The following NKD1 variants were observed in gnomAD, a reference collection of about 807,000 sequenced individuals.
The protein encoded by NKD1 is NKD inhibitor of Wnt signaling pathway 1, also known as protein naked cuticle homolog 1.
NKD1 carries 21 observed loss-of-function variants against 56.0 expected under a neutral mutation model. The observed-to-expected ratio is 0.38, with a 90% CI of 0.27 to 0.54. The LOEUF is 0.54. Ranked by LOEUF, NKD1 falls within the 20% of genes least tolerant of loss-of-function variation. The probability of loss-of-function intolerance (pLI) is 0.82; values close to 1 mark genes in which losing one functional copy is unlikely to be tolerated. For missense variants in NKD1, 578 were observed against 642.7 expected (o/e 0.90, Z 1.09); for synonymous variants, 263 against 265.7 (o/e 0.99, Z 0.10).
At chr16:50,629,346 A>G (rs1962292765) in intron 6 of NKD1, among the ~76,000 whole-genome samples, 4 of 152,136 alleles carry the variant, frequency 2.6e-5, no homozygotes, top group Admixed American at 2.6e-4. Context: ...TACTCCGAAT[A>G]CAATCACATT....
rs555237402 is a variant in NKD1, at chr16:50,577,811, G to A, written c.192+28256G>A. On this transcript the variant is annotated intron_variant, in intron 3 of 9. Coordinates refer to ENST00000268459, the MANE Select transcript of NKD1 (RefSeq NM_033119.5). Reference sequence around the variant, plus strand: ...CAAGGTAGGCATAGCTAAGCACCCAGGGGTCTTAAAGTTGACCTTTATGTA... The same window carrying A: ...CAAGGTAGGCATAGCTAAGCACCCAAGGGTCTTAAAGTTGACCTTTATGTA... Among the ~76,000 whole-genome samples the A allele has an allele frequency of 1.1e-4, 17 of 152,308 alleles. No homozygotes were observed. The East Asian group carries it at 2.9e-3, about 26-fold the overall frequency.
intron 7 of NKD1, 126 bp from the exon 8 acceptor site, chr16:50,630,700 T>C: frequency 2.6e-6 from 2 of 765,848 alleles, no homozygotes; most frequent in Non-Finnish European, 2.1e-6. Context: ...GACCCCTTTA[T>C]TTAGCCCCAG....
chr16:50,625,420 C>A, intron 5 of NKD1, 65 bp from the exon 6 acceptor site: 1 of 1,163,856 alleles, frequency 8.6e-7, no homozygotes, highest in Non-Finnish European at 1.3e-6. Context: ...TAGGCCCAGG[C>A]TTCCACTACC....
chr16:50,563,536 C>T (rs1255916428), intron 3 of NKD1, among the ~76,000 whole-genome samples: 1 of 151,804 alleles, frequency 6.6e-6, no homozygotes, highest in Non-Finnish European at 1.5e-5. Context: ...CCTCAATGGG[C>T]ACAGCCCTGG....
chr16:50,625,673 C>T (rs1962194757), intron 6 of NKD1, 93 bp downstream of exon 6: 1 of 799,570 alleles, frequency 1.3e-6, no homozygotes. Flanking sequence ...CTCTCCCCTG[C>T]ATCGGTCCTG....
rs74017716 is a variant in NKD1, at chr16:50,567,712, C to T, written c.192+18157C>T. ...TGGCCCCAGATCCCAGCCATGGCTC[C>T]GCTACCTGCCTGGCTGGACACCAGG... is the stretch of plus-strand genomic sequence containing the variant. On this transcript the variant is annotated intron_variant, in intron 3 of 9. Transcript: ENST00000268459. 7.3e-3 allele frequency among the ~76,000 whole-genome samples: 1,105 copies of T among 152,302 alleles called. 14 individuals carry two copies. Among genetic ancestry groups the T allele is most frequent in the African/African-American group, 0.025 (1,030 of 41,542 alleles).
intron 3 of NKD1, chr16:50,606,768 T>C (rs781637283): frequency 2.4e-5 from 11 of 456,074 alleles, no homozygotes; most frequent in South Asian, 1.7e-4. Flanking sequence ...CATGAAGAGG[T>C]GCGCAGATTC....
intron 3 of NKD1, chr16:50,607,028 T>C: frequency 2.2e-6 from 1 of 457,152 alleles, no homozygotes; most frequent in Middle Eastern, 3.2e-4. Context: ...TTATAATAAT[T>C]GGTGGAGGAG....
At position 50,636,058 on chromosome 16, in the gene NKD1, G is replaced by A. The variant is rs1009058862; in HGVS notation, c.*2277G>A. The A allele has an allele frequency of 4.6e-5, 7 of 152,202 alleles. No homozygotes were observed. The highest frequency in any genetic ancestry group is 1.0e-4 in the Non-Finnish European group (7 of 68,046). 9.4% of individuals were successfully genotyped at this position (152,202 alleles called of 1,614,324 possible). A position where few individuals can be genotyped will look rare whatever the true frequency, so the allele number is the denominator to read the frequency against. The stretch of plus-strand genomic sequence containing the variant: ...CTAACCATAAGAAAAAGGACCTTCC[G>A]TTAGTGTAAAGCCCAAGGCAGGATT... On this transcript the variant is annotated 3_prime_UTR_variant, in exon 10 of 10. Transcript: ENST00000268459.
Position 50,633,640 on chromosome 16 carries a change from C to T in NKD1, c.1272C>T (p.Gly424=). Residue 424 remains glycine (G), a synonymous_variant, in exon 10 of 10, where the codon GGC becomes GGT. Transcript: ENST00000268459. This position sits in a 1 kb window ranked among gnomAD's most constrained non-coding sequence, Gnocchi z 4.9. ...TGCAGGCACCACTGGCCTCAGGTGG[C>T]CCTGTCCTGGGGCGGGAGCACCTGC... is the stretch of plus-strand genomic sequence containing the variant. ...RGLQAPLASG[G]PVLGREHLRE... 7 of 1,607,742 alleles carry T rather than the reference C, an allele frequency of 4.4e-6. No individual in the cohort carries two copies. The highest frequency in any genetic ancestry group is 5.9e-6 in the Non-Finnish European group (7 of 1,177,702).
rs1962625875 is a variant in NKD1, at chr16:50,643,824, T to C, written c.*10043T>C. On this transcript the variant is annotated 3_prime_UTR_variant, in exon 10 of 10. Coordinates refer to ENST00000268459, the MANE Select transcript of NKD1 (RefSeq NM_033119.5). ...ACATTGAACTCAGCCAACAGCTCTA[T>C]AACTCATGACTGAATGAAGCTTATC... 1 of 152,270 alleles carries C rather than the reference T, an allele frequency of 6.6e-6. No individual in the cohort carries two copies. The highest frequency in any genetic ancestry group is 2.4e-5 in the African/African-American group (1 of 41,466). The allele number at this position is 152,270 out of a possible 1,614,324, so 9.4% of individuals were successfully genotyped here.
chr16:50,584,097 CCTGGGCTGGGTTGAT>C (rs1961176754), intron 3 of NKD1, among the ~76,000 whole-genome samples: 1 of 152,152 alleles, frequency 6.6e-6, no homozygotes, highest in South Asian at 2.1e-4. Context: ...GCTGTATGGA[CCTGGGCTGGGTTGAT>C]CTGGGCTGGG....
At chr16:50,593,486 C>T (rs940640461) in intron 3 of NKD1, among the ~76,000 whole-genome samples, 8 of 152,286 alleles carry the variant, frequency 5.3e-5, no homozygotes, top group African/African-American at 1.2e-4. Flanking sequence ...GCTCTCAGCT[C>T]ACATCTCACC....
intron 4 of NKD1, 141 bp from the exon 5 acceptor site, chr16:50,621,461 C>T (rs1419100728): frequency 1.7e-6 from 1 of 593,772 alleles, no homozygotes; most frequent in Non-Finnish European, 3.0e-6. Flanking sequence ...ATGTTGACCC[C>T]AGCAAATGGG....
rs1962190604 is a variant in NKD1 at position 50,625,554 on chromosome 16, GACA to G, written c.442_444del (p.Asn148del). The G allele has an allele frequency of 6.2e-7, 1 of 1,613,644 alleles. No homozygotes were observed. Among genetic ancestry groups the G allele is most frequent in the Non-Finnish European group, 8.5e-7 (1 of 1,179,576 alleles). On this transcript the variant is annotated inframe_deletion, in exon 6 of 10. Transcript: ENST00000268459. ...GTGGACCTTCACCCTGTATGACTTT[GACA>G]ACAACGGCAAGGTCACCCGAGAGGT...
At chr16:50,585,405 A>C (rs1961205952) in intron 3 of NKD1, among the ~76,000 whole-genome samples, 1 of 152,034 alleles carries the variant, frequency 6.6e-6, no homozygotes, top group African/African-American at 2.4e-5. Flanking sequence ...GGAGACGTGA[A>C]CCCTGCCGGC....
At chr16:50,574,935 T>C in intron 3 of NKD1, 1 of 984,846 alleles carries the variant, frequency 1.0e-6, no homozygotes, top group Non-Finnish European at 1.2e-6. Flanking sequence ...TTTTTCCTTT[T>C]CCCTTTAAAC....
rs112799832 is a variant in NKD1, at chr16:50,632,181, G to A, written c.696-100G>A. On this transcript the variant is annotated intron_variant, in intron 8 of 9. Coordinates refer to ENST00000268459, the MANE Select transcript of NKD1 (RefSeq NM_033119.5). The surrounding 1 kb of genome is among the most constrained non-coding windows in gnomAD (Gnocchi z 4.1). ...TCCAAAGGCCAAGAAGGAAATGAAT[G>A]AAGGGTCCAGAGTTCATTCTGGGGG... 14 of 1,144,848 alleles carry A rather than the reference G, an allele frequency of 1.2e-5. No homozygotes were observed. In the South Asian group the frequency reaches 2.0e-4, roughly 16 times the overall value. The allele number at this position is 1,144,848 out of a possible 1,614,324, so 70.9% of individuals were successfully genotyped here.
At chr16:50,550,153 G>C (rs1234961229) in intron 3 of NKD1, among the ~76,000 whole-genome samples, 3 of 151,890 alleles carry the variant, frequency 2.0e-5, no homozygotes, top group African/African-American at 2.4e-5. Flanking sequence ...TTCACCCCGT[G>C]TGTCTCTGAG....
Sources: gnomAD v4.1 joint callset for allele counts (sites outside exome capture counted in the v4.1 genomes callset) on GRCh38, gnomAD v4.1.1 for gene constraint, Gnocchi (gnomAD v3.1) non-coding constraint, MANE v1.5 for transcripts, NCBI Gene and HGNC (gene_info 2026-07-23, HGNC 2026-07-21) for gene names.